Variants in KCNAB1 observed in about 807,000 individuals in gnomAD.
The protein encoded by KCNAB1 is voltage-gated potassium channel subunit beta-1.
KCNAB1 carries 35 observed loss-of-function variants against 64.6 expected under a neutral mutation model. The observed-to-expected ratio is 0.54, with a 90% CI of 0.41 to 0.72. The LOEUF (loss-of-function observed/expected upper bound fraction) is 0.72, where lower values mean the gene tolerates loss of function less well. Ranked by LOEUF, KCNAB1 falls within the 30% of genes least tolerant of loss-of-function variation. The pLI, the probability that KCNAB1 is intolerant of heterozygous loss-of-function variation, is 0.00. For missense variants in KCNAB1, 401 were observed against 512.9 expected (o/e 0.78, Z 2.11); for synonymous variants, 177 against 183.8 (o/e 0.96, Z 0.30).
intron 8 of KCNAB1, 72 bp downstream of exon 8, chr3:156,474,892 G>A: frequency 8.8e-7 from 1 of 1,139,268 alleles, no homozygotes; most frequent in East Asian, 2.4e-5. Context: ...GCTCACAGCA[G>A]GAAATGAATT....
At chr3:156,189,130 C>T (rs1713394500) in intron 1 of KCNAB1, among the ~76,000 whole-genome samples, 1 of 152,186 alleles carries the variant, frequency 6.6e-6, no homozygotes, top group Admixed American at 6.5e-5. Context: ...CTATGACTCC[C>T]TTTATTTGAC....
chr3:156,229,676 A>G (rs762817391), intron 1 of KCNAB1, among the ~76,000 whole-genome samples: 21 of 152,260 alleles, frequency 1.4e-4, no homozygotes, highest in African/African-American at 4.3e-4. Flanking sequence ...AATGAGGGGT[A>G]TAGAGAGGGG....
chr3:156,267,276 T>C (rs1402516160), intron 1 of KCNAB1, among the ~76,000 whole-genome samples: 1 of 152,190 alleles, frequency 6.6e-6, no homozygotes, highest in East Asian at 1.9e-4. Flanking sequence ...AGTAGAAGCA[T>C]CGTTCTTCCT....
intron 1 of KCNAB1, among the ~76,000 whole-genome samples, chr3:156,232,462 A>G (rs891928801): frequency 2.0e-5 from 3 of 152,262 alleles, no homozygotes; most frequent in African/African-American, 7.2e-5. Context: ...TCGCACAGGC[A>G]GGCCAATTAG....
At chr3:156,334,183 T>G (rs1723528993) in intron 1 of KCNAB1, among the ~76,000 whole-genome samples, 1 of 152,200 alleles carries the variant, frequency 6.6e-6, no homozygotes, top group African/African-American at 2.4e-5. Flanking sequence ...GCATAATGAG[T>G]GTCTTTCTCC....
At chr3:156,287,349 C>CAAAAA (rs1159352986) in intron 1 of KCNAB1, among the ~76,000 whole-genome samples, 1 of 77,830 alleles carries the variant, frequency 1.3e-5, no homozygotes. Context: ...ACCTCCGTAT[C>CAAAAA]AAAAAAAAAA....
chr3:156,364,139 A>G (rs1359279949), intron 1 of KCNAB1, among the ~76,000 whole-genome samples: 1 of 152,228 alleles, frequency 6.6e-6, no homozygotes, highest in East Asian at 1.9e-4. Context: ...GCATGGGATT[A>G]TCAACCTGAA....
At chr3:156,393,414 T>G (rs1232748200) in intron 1 of KCNAB1, among the ~76,000 whole-genome samples, 1 of 152,192 alleles carries the variant, frequency 6.6e-6, no homozygotes, top group Non-Finnish European at 1.5e-5. Context: ...CTCCCCCAGT[T>G]GCTGCTGAAA....
chr3:156,457,778 C>A (rs2293197), intron 4 of KCNAB1, among the ~76,000 whole-genome samples: 75,950 of 152,022 alleles, frequency 0.5, 19,215 homozygotes, highest in Middle Eastern at 0.6. Context: ...GGGTATATGA[C>A]CAGGAAGCAA....
intron 1 of KCNAB1, among the ~76,000 whole-genome samples, chr3:156,211,432 T>G (rs1298742049): frequency 6.6e-6 from 1 of 152,218 alleles, no homozygotes; most frequent in African/African-American, 2.4e-5. Flanking sequence ...TTCTGGGTAA[T>G]CATCAGTTGC....
At chr3:156,160,459 C>A (rs1479736555) in intron 1 of KCNAB1, among the ~76,000 whole-genome samples, 1 of 152,142 alleles carries the variant, frequency 6.6e-6, no homozygotes, top group Non-Finnish European at 1.5e-5. Flanking sequence ...TCCTCTTTCT[C>A]CTTGCTCTCA....
chr3:156,120,982 T>A (rs1713309202), intron 1 of KCNAB1, 96 bp downstream of exon 1: 2 of 1,426,596 alleles, frequency 1.4e-6, no homozygotes, highest in African/African-American at 1.4e-5. Flanking sequence ...CTGGAAGTCT[T>A]AACGGCTCTA....
At position 156,452,985 on chromosome 3, in the gene KCNAB1, G is replaced by A; in HGVS notation, c.357+49G>A. 7.5e-7 allele frequency: 1 copy of A among 1,325,044 alleles called. No individual in the cohort carries two copies. The highest frequency in any genetic ancestry group is 1.1e-6 in the Non-Finnish European group (1 of 927,658). 82.1% of individuals were successfully genotyped at this position (1,325,044 alleles called of 1,614,324 possible). A position where few individuals can be genotyped will look rare whatever the true frequency, so the allele number is the denominator to read the frequency against. On this transcript the variant is annotated intron_variant, in intron 3 of 13. Transcript: ENST00000490337. This position sits in a 1 kb window ranked among gnomAD's most constrained non-coding sequence, Gnocchi z 4.6. ...ATGCTAATGAAAGAAAATGCAGAGA[G>A]AGCTGTATTGCAGGAGTCCTCTTCC... is the stretch of plus-strand genomic sequence containing the variant.
chr3:156,265,595 C>A (rs971475651), intron 1 of KCNAB1, among the ~76,000 whole-genome samples: 4 of 152,184 alleles, frequency 2.6e-5, no homozygotes, highest in Admixed American at 1.3e-4. Context: ...GGCTCACCTG[C>A]CCTTATTTGA....
chr3:156,176,162 C>T (rs1031912241), intron 1 of KCNAB1: 2 of 771,806 alleles, frequency 2.6e-6, no homozygotes, highest in Admixed American at 1.7e-5. Flanking sequence ...TTGTCCATTG[C>T]ATTGGACAAG....
chr3:156,230,062 C>T (rs1716428329), intron 1 of KCNAB1, among the ~76,000 whole-genome samples: 1 of 152,130 alleles, frequency 6.6e-6, no homozygotes, highest in African/African-American at 2.4e-5. Context: ...ATAAGCTTGA[C>T]ATCCAAAGAG....
intron 8 of KCNAB1, among the ~76,000 whole-genome samples, chr3:156,503,643 A>T (rs1465576530): frequency 6.6e-6 from 1 of 152,216 alleles, no homozygotes; most frequent in Non-Finnish European, 1.5e-5. Flanking sequence ...TAGGTTCTAA[A>T]GTTTTATTTT....
chr3:156,436,279 G>GTA (rs1375224965), intron 2 of KCNAB1, among the ~76,000 whole-genome samples: 9 of 152,186 alleles, frequency 5.9e-5, no homozygotes, highest in East Asian at 5.8e-4. Flanking sequence ...GTATTCCATG[G>GTA]TATATATATA....
chr3:156,439,029 C>CA (rs34019255), intron 2 of KCNAB1, among the ~76,000 whole-genome samples: 232 of 148,974 alleles, frequency 1.6e-3, no homozygotes, highest in African/African-American at 3.7e-3. Context: ...AAACAAAAAA[C>CA]AAAAAAAAAA....
Sources: gnomAD v4.1 joint callset for allele counts (sites outside exome capture counted in the v4.1 genomes callset) on GRCh38, gnomAD v4.1.1 for gene constraint, Gnocchi (gnomAD v3.1) non-coding constraint, MANE v1.5 for transcripts, NCBI Gene and HGNC (gene_info 2026-07-23, HGNC 2026-07-21) for gene names.